Variants in OBSL1 observed in about 807,000 individuals in gnomAD.
OBSL1 encodes the protein obscurin like cytoskeletal adaptor 1.
Under a neutral mutation model 172.0 loss-of-function variants are expected in OBSL1, and 160 were observed. The observed-to-expected ratio is 0.93, with a 90% CI of 0.82 to 1.06. The LOEUF is 1.06. Among genes scored for constraint, OBSL1 ranks in the 50% least tolerant of loss-of-function variants. The pLI is 0.00. For synonymous variants in OBSL1, 1,200 were observed against 1,196.3 expected (o/e 1.00, Z -0.06); for missense variants, 2,681 against 2,715.4 (o/e 0.99, Z 0.28).
At position 219,566,815 on chromosome 2, in the gene OBSL1, C is replaced by T. The variant is rs779091731; in HGVS notation, c.2134+15G>A. 12 of 1,554,864 alleles carry T rather than the reference C, an allele frequency of 7.7e-6. No homozygotes were observed. The African/African-American group carries it at 1.4e-4, about 18-fold the overall frequency. On this transcript the variant is annotated intron_variant, in intron 5 of 20. Transcript: ENST00000404537. ...TTGACCCTTTCTGCCCACTCAGGTCCCCACTGGCACCAACCTTGGATTGTG... is the reference window on the plus strand; with the variant it reads ...TTGACCCTTTCTGCCCACTCAGGTCTCCACTGGCACCAACCTTGGATTGTG...
At chr2:219,552,400 G>T in intron 18 of OBSL1, 136 bp downstream of exon 18, 1 of 931,942 alleles carries the variant, frequency 1.1e-6, no homozygotes, top group Non-Finnish European at 1.6e-6. Context: ...GCGGGGGAAA[G>T]AACAGGGACG....
intron 4 of OBSL1, 23 bp downstream of exon 4, chr2:219,567,250 T>G: frequency 2.5e-6 from 4 of 1,574,560 alleles, no homozygotes; most frequent in Non-Finnish European, 1.7e-6. Context: ...AAGTGATGGG[T>G]GGGTCTGGCA....
chr2:219,547,845 G>A (rs768767598), downstream of OBSL1: 6 of 1,586,564 alleles, frequency 3.8e-6, no homozygotes, highest in South Asian at 2.2e-5. Context: ...CGCTGGCCCC[G>A]CCCACTCACC....
downstream of OBSL1, chr2:219,549,608 G>C (rs1695496172): frequency 6.6e-7 from 1 of 1,512,378 alleles, no homozygotes. Context: ...TGTGGACTCT[G>C]GGTCTATGGC....
At chr2:219,549,128 C>G (rs1308914352), downstream of OBSL1, 2 of 1,613,346 alleles carry the variant, frequency 1.2e-6, no homozygotes, top group African/African-American at 2.7e-5. Flanking sequence ...CCTCTGAGCT[C>G]CTTCTCTACC....
In OBSL1 at chr2:219,565,363, C is replaced by T. The variant is rs1696805694; in HGVS notation, c.2286G>A (p.Leu762=). 6.2e-7 allele frequency: 1 copy of T among 1,613,920 alleles called. No individual in the cohort carries two copies. The highest frequency in any genetic ancestry group is 1.3e-5 in the African/African-American group (1 of 74,934). ...GTTTGCGCCCATCCATCTTCACCAC[C>T]AGCAACTCGCTCTCCTCCACCTTCT... ...DGQKVEESEL[L]VVKMDGRKHR... The change falls in exon 6 of 21, where the codon CTG becomes CTA. Residue 762 remains leucine, a synonymous_variant. Coordinates refer to ENST00000404537, the MANE Select transcript of OBSL1 (RefSeq NM_015311.3).
Position 219,557,514 on chromosome 2 carries a change from G to A in OBSL1, c.3895C>T (p.Pro1299Ser). 4 of 1,553,066 alleles carry A rather than the reference G, an allele frequency of 2.6e-6. No individual in the cohort carries two copies. Among genetic ancestry groups the A allele is most frequent in the Non-Finnish European group, 3.5e-6 (4 of 1,148,826 alleles). ...TCCCCGTCCTTGTACCAGCGTACAG[G>A]GCCCCCTGGCCCGGAGAGGTGCACC... ...LVVHLSGPGGPVRWYKDGERL... is the reference protein window; with the variant it reads ...LVVHLSGPGGSVRWYKDGERL... The change falls in exon 12 of 21, where the codon CCT becomes TCT. Residue 1299 changes from proline to serine, a missense_variant. Transcript: ENST00000404537.
At chr2:219,563,165 T>A (rs1268570959) in intron 7 of OBSL1, 190 bp downstream of exon 7, 2 of 591,466 alleles carry the variant, frequency 3.4e-6, no homozygotes, top group African/African-American at 3.7e-5. Context: ...CCAAGACCAA[T>A]GTGCTTATGA....
Position 219,563,429 on chromosome 2 carries a change from G to A in OBSL1, c.2606C>T (p.Thr869Ile), listed in dbSNP as rs1696646866. The change falls in exon 7 of 21, where the codon ACC becomes ATC. Residue 869 changes from threonine (T) to isoleucine (I), a missense_variant. Around this residue, in one of 5 missense-constraint regions of OBSL1, gnomAD observed 1,765 missense variants for 1,748.3 expected, o/e 1.01. Coordinates refer to ENST00000404537, the MANE Select transcript of OBSL1 (RefSeq NM_015311.3). ...AAACTCGCCCCCGTCTGAGGGCTGG[G>A]TGGCGGGCAGCACCAGGCGGCGATG... ...GPHRRLVLPA[T>I]QPSDGGEFQC... 4 of 1,610,392 alleles carry A rather than the reference G, an allele frequency of 2.5e-6. No individual in the cohort carries two copies. The highest frequency in any genetic ancestry group is 3.4e-6 in the Non-Finnish European group (4 of 1,177,962).
In OBSL1 at chr2:219,552,272, A is replaced by G. The variant is rs1407849945; in HGVS notation, c.5309-56T>C. On this transcript the variant is annotated intron_variant, in intron 18 of 20. Coordinates refer to ENST00000404537, the MANE Select transcript of OBSL1 (RefSeq NM_015311.3). ...GAGCCACCTCTGAGGAGCGTTGGGG[A>G]CGAAGGTGGGGGCCCAGCAGGCCCC... 8.0e-6 allele frequency: 12 copies of G among 1,491,712 alleles called. No individual in the cohort carries two copies. In the African/African-American group the frequency reaches 1.4e-4, roughly 17 times the overall value. 92.4% of individuals were successfully genotyped at this position (1,491,712 alleles called of 1,614,324 possible).
chr2:219,566,679 G>T, intron 5 of OBSL1, 151 bp downstream of exon 5: 1 of 799,182 alleles, frequency 1.3e-6, no homozygotes, highest in Non-Finnish European at 1.9e-6. Context: ...TGGCCTTCCG[G>T]ACCTCTGAGC....
chr2:219,554,781 G>C, intron 14 of OBSL1, 41 bp from the exon 15 acceptor site: 1 of 1,506,210 alleles, frequency 6.6e-7, no homozygotes, highest in Non-Finnish European at 8.9e-7. Context: ...GAGGCCTCCA[G>C]CTCTGGGCAG....
intron 15 of OBSL1, 73 bp downstream of exon 15, chr2:219,554,401 G>A (rs1222185700): frequency 5.2e-6 from 8 of 1,540,422 alleles, no homozygotes; most frequent in East Asian, 2.3e-5. Flanking sequence ...CACGAGTTGG[G>A]GGTCAGTATT....
Position 219,565,339 on chromosome 2 carries a change from T to G in OBSL1, c.2310A>C (p.Lys770Asn). The G allele has an allele frequency of 6.2e-7, 1 of 1,614,034 alleles. No individual in the cohort carries two copies. Among genetic ancestry groups the G allele is most frequent in the African/African-American group, 1.3e-5 (1 of 75,050 alleles). Reference sequence around the variant, plus strand: ...TGGCCTCAGGCAGGATCAGACGGTGTTTGCGCCCATCCATCTTCACCACCA... The same window carrying G: ...TGGCCTCAGGCAGGATCAGACGGTGGTTGCGCCCATCCATCTTCACCACCA... ...ELLVVKMDGR[K>N]HRLILPEAKV... The change falls in exon 6 of 21, where the codon AAA becomes AAC. Residue 770 changes from lysine to asparagine, a missense_variant. Transcript: ENST00000404537.
chr2:219,571,125 C>A lies in OBSL1; in HGVS notation c.108G>T (p.Leu36=), dbSNP rs994664665. Residue 36 remains leucine (L), a synonymous_variant, in exon 1 of 21, where the codon CTG becomes CTT. Transcript: ENST00000404537. ...GAEAELKCVV[L]GEPPPVVVWE... ...ACACCACTACAGGCGGCGGCTCCCC[C>A]AGGACCACGCACTTGAGCTCGGCCT... The A allele has an allele frequency of 6.8e-6, 10 of 1,478,552 alleles. No homozygotes were observed. Among genetic ancestry groups the A allele is most frequent in the South Asian group, 1.3e-5 (1 of 77,350 alleles). 91.6% of individuals were successfully genotyped at this position (1,478,552 alleles called of 1,614,324 possible).
intron 18 of OBSL1, 52 bp downstream of exon 18, chr2:219,552,484 C>A: frequency 6.6e-7 from 1 of 1,525,592 alleles, no homozygotes; most frequent in Non-Finnish European, 8.8e-7. Flanking sequence ...GGGATCTGTT[C>A]GAGCCTGGGC....
chr2:219,571,132 A>G lies in OBSL1; in HGVS notation c.101T>C (p.Val34Ala). Residue 34 changes from valine (V) to alanine (A), a missense_variant, in exon 1 of 21, where the codon GTG becomes GCG. This residue lies in a region of OBSL1 where 90 missense variants were observed against 76.6 expected (regional missense o/e 1.18). Transcript: ENST00000404537. ...TACAGGCGGCGGCTCCCCCAGGACCACGCACTTGAGCTCGGCCTCGGCGCC... is the reference window on the plus strand; with the variant it reads ...TACAGGCGGCGGCTCCCCCAGGACCGCGCACTTGAGCTCGGCCTCGGCGCC... ...VSGAEAELKC[V>A]VLGEPPPVVV... 6.7e-7 allele frequency: 1 copy of G among 1,485,218 alleles called. No homozygotes were observed. The highest frequency in any genetic ancestry group is 8.9e-7 in the Non-Finnish European group (1 of 1,123,114). The allele number at this position is 1,485,218 out of a possible 1,614,324, so 92.0% of individuals were successfully genotyped here.
rs774613507 is a variant in OBSL1, at chr2:219,557,970, C to T, written c.3643G>A (p.Glu1215Lys). The T allele has an allele frequency of 6.2e-7, 1 of 1,610,116 alleles. No homozygotes were observed. The highest frequency in any genetic ancestry group is 2.2e-5 in the East Asian group (1 of 44,756). ...VWSHNGRPVQ[E>K]GEGLELHAEG... is the part of the protein sequence containing the mutation. ...GCATGGAGCTCTAGGCCCTCGCCCTCCTGCACGGGCCTCCCATTGTGGCTC... is the reference window on the plus strand; with the variant it reads ...GCATGGAGCTCTAGGCCCTCGCCCTTCTGCACGGGCCTCCCATTGTGGCTC... The change falls in exon 11 of 21, where the codon GAG becomes AAG. Residue 1215 changes from glutamate (E) to lysine (K), a missense_variant. By Grantham distance (56) the Glu-to-Lys change is moderately conservative. This residue lies in a region of OBSL1 where 1,765 missense variants were observed against 1,748.3 expected (regional missense o/e 1.01). Coordinates refer to ENST00000404537, the MANE Select transcript of OBSL1 (RefSeq NM_015311.3).
At chr2:219,570,167 G>A (rs1697228958) in intron 1 of OBSL1, 54 bp downstream of exon 1, 1 of 1,426,720 alleles carries the variant, frequency 7.0e-7, no homozygotes, top group South Asian at 1.5e-5. Flanking sequence ...CTGGAGTTCG[G>A]AGGGCCTCGG....
Sources: allele counts gnomAD v4.1 joint callset, GRCh38; gene constraint gnomAD v4.1.1; regional missense constraint gnomAD v4.1.1; transcripts MANE v1.5; gene names NCBI Gene and HGNC (gene_info 2026-07-23, HGNC 2026-07-21).